ARHGEF3: variants seen among roughly 807,000 people sequenced by gnomAD.
ARHGEF3 encodes the protein Rho guanine nucleotide exchange factor 3, also known as 59.8 kDA protein.
A neutral mutation model predicts 63.2 loss-of-function variants in ARHGEF3; 28 were observed. The observed-to-expected ratio is 0.44, with a 90% confidence interval of 0.33 to 0.61. The LOEUF (loss-of-function observed/expected upper bound fraction) is 0.61. ARHGEF3 is among the 20% of genes least tolerant of loss of function. ARHGEF3 has a pLI of 0.03. For synonymous variants in ARHGEF3, 266 were observed against 254.2 expected (o/e 1.05, Z -0.44); for missense variants, 533 against 659.3 (o/e 0.81, Z 2.10).
intron 1 of ARHGEF3, among the ~76,000 whole-genome samples, chr3:56,784,346 C>T (rs940330418): frequency 2.6e-5 from 4 of 152,164 alleles, no homozygotes; most frequent in African/African-American, 4.8e-5. Context: ...TAATGCCACA[C>T]CCATCCGCCG....
chr3:56,780,587 A>C (rs1166468908), intron 1 of ARHGEF3, among the ~76,000 whole-genome samples: 2 of 152,216 alleles, frequency 1.3e-5, no homozygotes, highest in African/African-American at 4.8e-5. Flanking sequence ...TCTAGAATCC[A>C]AAGTTATATT....
intron 2 of ARHGEF3, among the ~76,000 whole-genome samples, chr3:56,763,334 G>A (rs542943522): frequency 2.6e-5 from 4 of 152,246 alleles, no homozygotes; most frequent in South Asian, 2.1e-4. Flanking sequence ...TTGTTTATAC[G>A]TGCTTTCATT....
intron 2 of ARHGEF3, among the ~76,000 whole-genome samples, chr3:56,974,969 T>C (rs1293604762): frequency 6.6e-6 from 1 of 152,090 alleles, no homozygotes; most frequent in African/African-American, 2.4e-5. Context: ...CCTCCTTGTT[T>C]GAAATAAGAC....
At chr3:56,880,742 A>T (rs1038221933) in intron 4 of ARHGEF3, among the ~76,000 whole-genome samples, 5 of 152,238 alleles carry the variant, frequency 3.3e-5, no homozygotes, top group Non-Finnish European at 7.3e-5. Context: ...AATTAAAAAG[A>T]TTCAAACACA....
intron 4 of ARHGEF3, among the ~76,000 whole-genome samples, chr3:56,864,397 C>T (rs2040175691): frequency 6.6e-6 from 1 of 152,196 alleles, no homozygotes; most frequent in South Asian, 2.1e-4. Context: ...TGGTTAACAC[C>T]TTACCTTCTT....
intron 2 of ARHGEF3, among the ~76,000 whole-genome samples, chr3:57,031,245 A>G (rs1488117): frequency 0.66 from 100,515 of 152,152 alleles, 33,539 homozygotes; most frequent in African/African-American, 0.75. Flanking sequence ...CAATAGGTGA[A>G]AGAGACACTA....
intron 7 of ARHGEF3, among the ~76,000 whole-genome samples, chr3:56,743,658 C>G (rs1389001241): frequency 6.6e-6 from 1 of 152,148 alleles, no homozygotes; most frequent in Non-Finnish European, 1.5e-5. Context: ...GTTACTACTA[C>G]TTATTATTAA....
chr3:56,843,620 T>C (rs1182114845), intron 4 of ARHGEF3, among the ~76,000 whole-genome samples: 1 of 152,198 alleles, frequency 6.6e-6, no homozygotes, highest in Admixed American at 6.5e-5. Context: ...GGCAATCTTT[T>C]CATCTTTCAC....
chr3:56,934,704 G>A (rs1373642088), intron 3 of ARHGEF3, among the ~76,000 whole-genome samples: 1 of 152,244 alleles, frequency 6.6e-6, no homozygotes, highest in Non-Finnish European at 1.5e-5. Context: ...CCCTCCCACG[G>A]GGCAGGGCTT....
In ARHGEF3 at chr3:56,979,032, TG is replaced by T. The variant is rs1701226329; in HGVS notation, c.63-20144del. 3.9e-5 allele frequency among the ~76,000 whole-genome samples: 6 copies of T among 152,210 alleles called. No individual in the cohort carries two copies. The South Asian group carries it at 1.2e-3, about 32-fold the overall frequency. On this transcript the variant is annotated intron_variant, in intron 2 of 12. Coordinates refer to the ARHGEF3 transcript ENST00000338458. Reference sequence around the variant, plus strand: ...TTAGCCGGCCATAGTGGCATGCACCTGTAGTCCCAACTACTTGGAAGACTGA... The same window carrying T: ...TTAGCCGGCCATAGTGGCATGCACCTTAGTCCCAACTACTTGGAAGACTGA...
intron 3 of ARHGEF3, chr3:56,958,803 C>T: frequency 1.9e-6 from 3 of 1,547,490 alleles, no homozygotes; most frequent in Non-Finnish European, 2.6e-6. Flanking sequence ...ACAGCAGGGG[C>T]TACCCAGGGC....
chr3:57,072,821 T>C (rs1246511740), intron 1 of ARHGEF3, among the ~76,000 whole-genome samples: 1 of 150,134 alleles, frequency 6.7e-6, no homozygotes, highest in Non-Finnish European at 1.5e-5. Flanking sequence ...CCAAGGCGGG[T>C]GGATCACGAG....
At position 57,034,559 on chromosome 3, in the gene ARHGEF3, AT is replaced by A. The variant is rs996805725; in HGVS notation, c.62+528del. 2.0e-5 allele frequency among the ~76,000 whole-genome samples: 3 copies of A among 152,052 alleles called. No individual in the cohort carries two copies. The East Asian group carries it at 5.8e-4, about 29-fold the overall frequency. On this transcript the variant is annotated intron_variant, in intron 2 of 12. Coordinates refer to the ARHGEF3 transcript ENST00000338458. ...TCTTAGAAAAATCCCATCATACTGAATGGCATTCCTCCTCTGGCAGAGACGT... is the reference window on the plus strand; with the variant it reads ...TCTTAGAAAAATCCCATCATACTGAAGGCATTCCTCCTCTGGCAGAGACGT...
intron 4 of ARHGEF3, among the ~76,000 whole-genome samples, chr3:56,852,218 G>A (rs1360458739): frequency 6.6e-6 from 1 of 152,202 alleles, no homozygotes; most frequent in Non-Finnish European, 1.5e-5. Context: ...TAGTGTAGAA[G>A]TGAGAATCTT....
chr3:56,992,964 G>A (rs890152845), intron 2 of ARHGEF3, among the ~76,000 whole-genome samples: 8 of 152,164 alleles, frequency 5.3e-5, no homozygotes, highest in African/African-American at 1.9e-4. Context: ...CTCCCCAGTA[G>A]CTGGGATTAC....
chr3:56,948,733 T>G (rs964898817), intron 3 of ARHGEF3, among the ~76,000 whole-genome samples: 11 of 152,164 alleles, frequency 7.2e-5, no homozygotes, highest in African/African-American at 2.7e-4. Context: ...CTTCTGAAAC[T>G]ATTCCAATCA....
In ARHGEF3 at chr3:56,843,449, T is replaced by C. The variant is rs529440018; in HGVS notation, c.192+38843A>G. Among the ~76,000 whole-genome samples, 347 of 146,730 alleles carry C rather than the reference T, an allele frequency of 2.4e-3. 1 individual carries two copies. The highest frequency in any genetic ancestry group is 8.3e-3 in the African/African-American group (330 of 39,902). ...GACTTTTGTAATTTTTTTTTTTTTA[T>C]AGAGAAAGGGTTTCACCATGTGGCC... On this transcript the variant is annotated intron_variant, in intron 4 of 12. Coordinates refer to the ARHGEF3 transcript ENST00000338458.
intron 4 of ARHGEF3, among the ~76,000 whole-genome samples, chr3:56,880,431 T>G (rs1482239369): frequency 1.3e-5 from 2 of 151,870 alleles, no homozygotes; most frequent in Non-Finnish European, 2.9e-5. Flanking sequence ...CAAATCACAA[T>G]TCATAATTGT....
At chr3:56,987,257 T>C (rs1021571189) in intron 2 of ARHGEF3, among the ~76,000 whole-genome samples, 2 of 152,176 alleles carry the variant, frequency 1.3e-5, no homozygotes, top group African/African-American at 2.4e-5. Flanking sequence ...CGCCTCATTA[T>C]AGTCCATACT....
Sources: allele counts gnomAD v4.1 joint callset (sites outside exome capture counted in the v4.1 genomes callset), GRCh38; gene constraint gnomAD v4.1.1; transcripts MANE v1.5; gene names NCBI Gene and HGNC (gene_info 2026-07-23, HGNC 2026-07-21).